PTPRD: variants seen among roughly 807,000 people sequenced by gnomAD.
PTPRD encodes the protein receptor-type tyrosine-protein phosphatase delta.
In PTPRD, 34 loss-of-function variants were observed where a neutral mutation model predicts 214.5. The ratio of observed to expected loss-of-function variants is 0.16; its 90% CI spans 0.12 to 0.21. The LOEUF (loss-of-function observed/expected upper bound fraction) is 0.21. Ranked by LOEUF, PTPRD falls within the 10% of genes least tolerant of loss-of-function variation. The pLI is 1.00. For synonymous variants in PTPRD, 1,128 were observed against 845.7 expected (o/e 1.33, Z -5.79); for missense variants, 2,545 against 2,398.7 (o/e 1.06, Z -1.27).
At chr9:9,618,471 G>C (rs1313956929) in intron 7 of PTPRD, among the ~76,000 whole-genome samples, 2 of 152,122 alleles carry the variant, frequency 1.3e-5, no homozygotes, top group Non-Finnish European at 2.9e-5. Flanking sequence ...GAAGAGTTGA[G>C]AACATGAGCT....
intron 7 of PTPRD, among the ~76,000 whole-genome samples, chr9:9,691,937 T>A (rs1023810180): frequency 1.3e-5 from 2 of 152,078 alleles, no homozygotes; most frequent in Non-Finnish European, 2.9e-5. Flanking sequence ...GGGAACTGTC[T>A]ATTGAAATAT....
chr9:8,700,423 A>G (rs1053048565), intron 12 of PTPRD, among the ~76,000 whole-genome samples: 5 of 152,254 alleles, frequency 3.3e-5, no homozygotes, highest in African/African-American at 9.6e-5. Context: ...CTACTATTGA[A>G]TATCACCCTC....
At chr9:10,208,232 C>T (rs1313292432) in intron 3 of PTPRD, among the ~76,000 whole-genome samples, 1 of 151,502 alleles carries the variant, frequency 6.6e-6, no homozygotes, top group Non-Finnish European at 1.5e-5. Context: ...ACTGAAACCG[C>T]GGCGGGGCGC....
At chr9:8,394,982 C>A (rs1564514057) in intron 36 of PTPRD, among the ~76,000 whole-genome samples, 1 of 152,056 alleles carries the variant, frequency 6.6e-6, no homozygotes, top group Non-Finnish European at 1.5e-5. Flanking sequence ...AAGGCAGAAT[C>A]CCACCGTGGC....
intron 11 of PTPRD, among the ~76,000 whole-genome samples, chr9:8,973,001 C>T (rs2099247705): frequency 2.4e-5 from 3 of 125,434 alleles, no homozygotes; most frequent in South Asian, 2.6e-4. Context: ...CATTGACTGC[C>T]CCCAGGGAGA....
At chr9:8,404,143 G>C (rs184237508) in intron 36 of PTPRD, among the ~76,000 whole-genome samples, 1 of 152,116 alleles carries the variant, frequency 6.6e-6, no homozygotes, top group South Asian at 2.1e-4. Flanking sequence ...TTTTCTTTGA[G>C]ATGGAGTCTC....
At chr9:10,537,999 A>G (rs927401930) in intron 2 of PTPRD, among the ~76,000 whole-genome samples, 15 of 152,058 alleles carry the variant, frequency 9.9e-5, no homozygotes, top group African/African-American at 3.4e-4. Context: ...TAAAATTTGG[A>G]ACCTCTGGTG....
intron 6 of PTPRD, among the ~76,000 whole-genome samples, chr9:9,739,425 G>C (rs1354654102): frequency 6.6e-6 from 1 of 151,748 alleles, no homozygotes; most frequent in East Asian, 1.9e-4. Context: ...TCTTTTTCTT[G>C]CGCTTCTCAT....
rs1212549795 is a variant in PTPRD, at chr9:8,733,892, C to T, written c.-49G>A. 3.5e-5 allele frequency: 53 copies of T among 1,532,936 alleles called. No individual in the cohort carries two copies. The highest frequency in any genetic ancestry group is 4.4e-5 in the Non-Finnish European group (50 of 1,134,610). 95.0% of individuals were successfully genotyped at this position (1,532,936 alleles called of 1,614,324 possible). A position where few individuals can be genotyped will look rare whatever the true frequency, so the allele number is the denominator to read the frequency against. ...GCGAGCAGCTTGGAATCACTGCCTC[C>T]GGAGCCGCAGCGAGTCTGTCCGATC... On this transcript the variant is annotated 5_prime_UTR_variant, in exon 12 of 46. Transcript: ENST00000381196.
intron 9 of PTPRD, among the ~76,000 whole-genome samples, chr9:9,370,664 G>A (rs1316259544): frequency 3.0e-5 from 4 of 135,280 alleles, no homozygotes; most frequent in Non-Finnish European, 6.1e-5. Context: ...TAGGAGTGGT[G>A]AGAGAGGGCA....
intron 12 of PTPRD, among the ~76,000 whole-genome samples, chr9:8,718,115 G>A (rs2098455739): frequency 1.3e-5 from 2 of 152,180 alleles, no homozygotes; most frequent in South Asian, 4.1e-4. Context: ...GGGAGAAGGG[G>A]AGAATGCTTG....
At chr9:8,346,311 T>C (rs1420128073) in intron 39 of PTPRD, among the ~76,000 whole-genome samples, 1 of 152,124 alleles carries the variant, frequency 6.6e-6, no homozygotes, top group Non-Finnish European at 1.5e-5. Flanking sequence ...ATATTAAAAA[T>C]AAAGGTAATA....
intron 43 of PTPRD, among the ~76,000 whole-genome samples, chr9:8,334,461 G>T (rs1844690831): frequency 6.9e-6 from 1 of 145,366 alleles, no homozygotes; most frequent in Non-Finnish European, 1.5e-5. Context: ...ACAGAATGAA[G>T]GCAGAAATAA....
At chr9:8,602,313 A>T (rs2094918055) in intron 14 of PTPRD, among the ~76,000 whole-genome samples, 1 of 152,140 alleles carries the variant, frequency 6.6e-6, no homozygotes, top group African/African-American at 2.4e-5. Flanking sequence ...CACCTTCCTC[A>T]TTGCCCAGGG....
chr9:8,867,301 C>G (rs1010726908), intron 11 of PTPRD, among the ~76,000 whole-genome samples: 3 of 152,142 alleles, frequency 2.0e-5, no homozygotes, highest in Non-Finnish European at 2.9e-5. Flanking sequence ...AAGTCTTTGT[C>G]CTGGAGAAGC....
chr9:10,228,715 TA>T (rs2099597519), intron 3 of PTPRD, among the ~76,000 whole-genome samples: 1 of 149,872 alleles, frequency 6.7e-6, no homozygotes, highest in Admixed American at 6.7e-5. Context: ...TAGAATATAT[TA>T]TATGTATAAA....
rs556902908 is a variant in PTPRD at position 9,738,267 on chromosome 9, AAAC to A, written c.-325-3699_-325-3697del. 9.4e-3 allele frequency among the ~76,000 whole-genome samples: 1,426 copies of A among 152,208 alleles called. 23 individuals are homozygous for A. Among genetic ancestry groups the A allele is most frequent in the African/African-American group, 0.031 (1,294 of 41,528 alleles). ...TAAAGTATGATAAAAACAAAAATTCAAACAACAACAACAAAAAATCATAGCTAT... is the reference window on the plus strand; with the variant it reads ...TAAAGTATGATAAAAACAAAAATTCAAACAACAACAAAAAATCATAGCTAT... On this transcript the variant is annotated intron_variant, in intron 6 of 45. Transcript: ENST00000381196.
intron 3 of PTPRD, among the ~76,000 whole-genome samples, chr9:10,208,348 A>G (rs1437217731): frequency 6.6e-6 from 1 of 152,146 alleles, no homozygotes; most frequent in African/African-American, 2.4e-5. Context: ...CCCCGTCTCT[A>G]CTAAAAATAC....
At chr9:9,657,952 A>T (rs1014605627) in intron 7 of PTPRD, among the ~76,000 whole-genome samples, 1 of 152,212 alleles carries the variant, frequency 6.6e-6, no homozygotes, top group African/African-American at 2.4e-5. Flanking sequence ...TAATTCAGCC[A>T]AGTGGAACTC....
Sources: allele counts gnomAD v4.1 joint callset (sites outside exome capture counted in the v4.1 genomes callset), GRCh38; gene constraint gnomAD v4.1.1; transcripts MANE v1.5; gene names NCBI Gene and HGNC (gene_info 2026-07-23, HGNC 2026-07-21).